EPB41: variants seen among roughly 807,000 people sequenced by gnomAD.
The protein encoded by EPB41 is erythrocyte membrane protein band 4.1, also known as protein 4.1.
Under a neutral mutation model 108.0 loss-of-function variants are expected in EPB41, and 65 were observed. That is an observed-to-expected ratio of 0.60 (90% CI 0.49 to 0.74). The LOEUF (loss-of-function observed/expected upper bound fraction) is 0.74. EPB41 is among the 30% of genes least tolerant of loss of function. The pLI is 0.00. For synonymous variants in EPB41, 336 were observed against 358.9 expected (o/e 0.94, Z 0.72); for missense variants, 875 against 1,037.0 (o/e 0.84, Z 2.15).
At chr1:29,022,970 A>G (rs2096665447) in intron 7 of EPB41, among the ~76,000 whole-genome samples, 1 of 152,018 alleles carries the variant, frequency 6.6e-6, no homozygotes, top group African/African-American at 2.4e-5. Context: ...TATGTTATTT[A>G]TGTTAAAAAG....
At chr1:28,889,663 TG>T in intron 1 of EPB41, 1 of 245,840 alleles carries the variant, frequency 4.1e-6, no homozygotes, top group Non-Finnish European at 6.5e-6. Context: ...TGGCTGGGGC[TG>T]GGCCCAGCTG....
intron 1 of EPB41, among the ~76,000 whole-genome samples, chr1:28,962,083 G>A (rs1305447114): frequency 1.3e-5 from 2 of 149,816 alleles, no homozygotes; most frequent in Non-Finnish European, 3.0e-5. Context: ...TTTTTGAGAT[G>A]GAGTCTCGCC....
chr1:29,025,705 A>G (rs1422039535), intron 7 of EPB41, among the ~76,000 whole-genome samples: 1 of 151,952 alleles, frequency 6.6e-6, no homozygotes, highest in Admixed American at 6.5e-5. Flanking sequence ...CAAATTTTAT[A>G]CAGTGAATGT....
At chr1:29,079,028 T>C (rs1403831357) in intron 16 of EPB41, among the ~76,000 whole-genome samples, 2 of 151,598 alleles carry the variant, frequency 1.3e-5, no homozygotes, top group East Asian at 3.9e-4. Context: ...AAAATTTCGC[T>C]CTTGTTGCCC....
Position 29,053,219 on chromosome 1 carries a change from C to G in EPB41, c.1752C>G (p.Val584=). 1 of 1,614,126 alleles carries G rather than the reference C, an allele frequency of 6.2e-7. No homozygotes were observed. The highest frequency in any genetic ancestry group is 8.5e-7 in the Non-Finnish European group (1 of 1,180,046). Reference sequence around the variant, plus strand: ...ATGCCTCTGCTAAAAAAACAGTGGTCCCTAAAGCACAGAAGGAAACAGTGA... The same window carrying G: ...ATGCCTCTGCTAAAAAAACAGTGGTGCCTAAAGCACAGAAGGAAACAGTGA... ...VLDASAKKTV[V]PKAQKETVKA... Residue 584 remains valine (V), a synonymous_variant, in exon 12 of 21, where the codon GTC becomes GTG. Coordinates refer to ENST00000343067, the MANE Select transcript of EPB41 (RefSeq NM_001376013.1).
intron 11 of EPB41, among the ~76,000 whole-genome samples, chr1:29,050,289 T>C (rs1644265726): frequency 6.6e-6 from 1 of 152,214 alleles, no homozygotes; most frequent in African/African-American, 2.4e-5. Context: ...CTTTTCCACA[T>C]ACAGTACAGA....
chr1:28,925,253 G>A (rs995501201), intron 1 of EPB41, among the ~76,000 whole-genome samples: 4 of 151,982 alleles, frequency 2.6e-5, no homozygotes, highest in Non-Finnish European at 4.4e-5. Flanking sequence ...GTGAGCCACC[G>A]CGCCTGGCCA....
At chr1:29,017,467 C>T (rs998476879) in intron 6 of EPB41, among the ~76,000 whole-genome samples, 2 of 152,164 alleles carry the variant, frequency 1.3e-5, no homozygotes, top group Non-Finnish European at 2.9e-5. Context: ...AAAGTGTCAG[C>T]GTGGTAAGGC....
chr1:28,912,704 CCTCCTGGGTTCAAGTGATT>C (rs2092319142), upstream of EPB41, among the ~76,000 whole-genome samples: 1 of 151,938 alleles, frequency 6.6e-6, no homozygotes, highest in African/African-American at 2.4e-5. Flanking sequence ...GCAACCTCCA[CCTCCTGGGTTCAAGTGATT>C]CTCCTGCCTC....
intron 5 of EPB41, among the ~76,000 whole-genome samples, chr1:29,013,458 C>T (rs1458184428): frequency 6.6e-6 from 1 of 151,960 alleles, no homozygotes; most frequent in African/African-American, 2.4e-5. Context: ...TTTTTTTAAG[C>T]CAAAGAGAAG....
intron 16 of EPB41, chr1:29,069,203 G>C: frequency 8.1e-7 from 1 of 1,231,404 alleles, no homozygotes; most frequent in Non-Finnish European, 1.0e-6. Context: ...TATCACTTAG[G>C]GGTGTGCAAA....
At chr1:28,901,754 G>A (rs1482014449) in intron 1 of EPB41, among the ~76,000 whole-genome samples, 2 of 151,838 alleles carry the variant, frequency 1.3e-5, no homozygotes, top group African/African-American at 4.8e-5. Flanking sequence ...GGCTGGTCTC[G>A]AACTCCTGAC....
chr1:28,905,221 G>A (rs2091695982), intron 1 of EPB41, among the ~76,000 whole-genome samples: 1 of 150,850 alleles, frequency 6.6e-6, no homozygotes, highest in Non-Finnish European at 1.5e-5. Context: ...CATCAGCTGG[G>A]TGCAGTGGCT....
At chr1:28,971,989 C>T (rs930854125) in intron 1 of EPB41, among the ~76,000 whole-genome samples, 5 of 152,054 alleles carry the variant, frequency 3.3e-5, no homozygotes, top group South Asian at 2.1e-4. Context: ...TCGACCTCCG[C>T]GCTCAGCTGA....
intron 1 of EPB41, among the ~76,000 whole-genome samples, chr1:28,905,030 C>CAAAAAAAAAAA (rs1221262969): frequency 2.6e-4 from 19 of 72,332 alleles, no homozygotes; most frequent in African/African-American, 5.3e-4. Flanking sequence ...GACTCTGTCT[C>CAAAAAAAAAAA]AAAAAAAAAA....
chr1:28,928,024 C>T (rs756489196), intron 1 of EPB41, among the ~76,000 whole-genome samples: 2 of 152,050 alleles, frequency 1.3e-5, no homozygotes, highest in African/African-American at 4.8e-5. Flanking sequence ...AGAGTCTTCT[C>T]TTAATACTCC....
At chr1:29,078,134 G>GC (rs1054930091) in intron 16 of EPB41, among the ~76,000 whole-genome samples, 1 of 152,072 alleles carries the variant, frequency 6.6e-6, no homozygotes, top group Non-Finnish European at 1.5e-5. Flanking sequence ...ACTGAGAACC[G>GC]CCTGAACCTG....
intron 10 of EPB41, among the ~76,000 whole-genome samples, chr1:29,038,741 A>G (rs1255652942): frequency 1.3e-5 from 2 of 152,230 alleles, no homozygotes; most frequent in Admixed American, 1.3e-4. Context: ...CATATAGGAA[A>G]AAGATGGGGT....
At chr1:28,937,468 T>C (rs755334592) in intron 1 of EPB41, among the ~76,000 whole-genome samples, 1 of 152,266 alleles carries the variant, frequency 6.6e-6, no homozygotes, top group East Asian at 1.9e-4. Context: ...GATCTAGGCT[T>C]ACTGCAACCT....
Sources: gnomAD v4.1 joint callset for allele counts (sites outside exome capture counted in the v4.1 genomes callset) on GRCh38, gnomAD v4.1.1 for gene constraint, MANE v1.5 for transcripts, NCBI Gene and HGNC (gene_info 2026-07-23, HGNC 2026-07-21) for gene names.